Variants in CPD observed in about 807,000 individuals in gnomAD.
CPD encodes the protein carboxypeptidase D.
A neutral mutation model predicts 138.3 loss-of-function variants in CPD; 69 were observed. The observed-to-expected ratio is 0.50, with a 90% CI of 0.41 to 0.61. The LOEUF (loss-of-function observed/expected upper bound fraction) is 0.61, where lower values mean the gene tolerates loss of function less well. Ranked by LOEUF, CPD falls within the 20% of genes least tolerant of loss-of-function variation. The probability of loss-of-function intolerance (pLI) is 0.00; values close to 1 mark genes in which losing one functional copy is unlikely to be tolerated. For synonymous variants in CPD, 651 were observed against 642.1 expected (o/e 1.01, Z -0.21); for missense variants, 1,432 against 1,733.3 (o/e 0.83, Z 3.09).
chr17:30,464,841 A>G lies in CPD; in HGVS notation c.*27A>G, dbSNP rs773353136. 36 of 1,575,558 alleles carry G rather than the reference A, an allele frequency of 2.3e-5. No individual in the cohort carries two copies. Among genetic ancestry groups the G allele is most frequent in the Non-Finnish European group, 3.0e-5 (34 of 1,146,798 alleles). ...AAACACATTTTGCATATCTCCCAGC[A>G]TAAGTACCAAGCAAAATTACAGTTC... On this transcript the variant is annotated 3_prime_UTR_variant, in exon 21 of 21. Coordinates refer to ENST00000225719, the MANE Select transcript of CPD (RefSeq NM_001304.5).
chr17:30,427,138 C>T (rs113253084), intron 6 of CPD, among the ~76,000 whole-genome samples: 1,792 of 150,468 alleles, frequency 0.012, 34 homozygotes, highest in African/African-American at 0.041. Flanking sequence ...GCTGAGATTG[C>T]GCCACTGCAC....
chr17:30,405,634 C>T (rs906956604), intron 2 of CPD, among the ~76,000 whole-genome samples: 59 of 152,092 alleles, frequency 3.9e-4, no homozygotes, highest in African/African-American at 1.2e-3. Context: ...TATGTTGTTC[C>T]GTTGGTCTCT....
intron 2 of CPD, among the ~76,000 whole-genome samples, chr17:30,409,331 G>A (rs1204316114): frequency 1.3e-5 from 2 of 150,756 alleles, no homozygotes; most frequent in Non-Finnish European, 3.0e-5. Context: ...TTTTTGTTGT[G>A]TCTCTGCCAG....
Position 30,379,116 on chromosome 17 carries a change from G to T in CPD, c.136G>T (p.Ala46Ser). Residue 46 changes from alanine to serine, a missense_variant, in exon 1 of 21, where the codon GCG becomes TCG. Ala to Ser is a moderately conservative substitution (Grantham distance 99, BLOSUM62 1). Transcript: ENST00000225719. This position sits in a 1 kb window ranked among gnomAD's most constrained non-coding sequence, Gnocchi z 7.0. ...GGAGGCGACTACCACAACTACGAGC[G>T]CGGGCGCCGAGGCGGCCGAGGGCCA... is the stretch of plus-strand genomic sequence containing the variant. ...KAEATTTTTS[A>S]GAEAAEGQFD... The T allele has an allele frequency of 6.5e-7, 1 of 1,543,964 alleles. No homozygotes were observed. Among genetic ancestry groups the T allele is most frequent in the South Asian group, 1.2e-5 (1 of 84,552 alleles).
chr17:30,451,775 AAGAG>A lies in CPD; in HGVS notation c.3136_3139del (p.Glu1046LysfsTer7). The A allele has an allele frequency of 6.2e-7, 1 of 1,614,084 alleles. No homozygotes were observed. Among genetic ancestry groups the A allele is most frequent in the Non-Finnish European group, 8.5e-7 (1 of 1,179,958 alleles). ...AATCCAGATGGGCGAGAGAGAGCTCAAGAGAAAGACTGTACTTCAAAAATAGGAC... is the reference window on the plus strand; with the variant it reads ...AATCCAGATGGGCGAGAGAGAGCTCAAAAGACTGTACTTCAAAAATAGGAC... On this transcript the variant is annotated frameshift_variant, in exon 14 of 21. Transcript: ENST00000225719. LOFTEE classifies it high-confidence loss of function.
intron 14 of CPD, among the ~76,000 whole-genome samples, chr17:30,453,723 GAGGGGCCTGCCCCTGC>G (rs1427186514): frequency 6.6e-6 from 1 of 152,244 alleles, no homozygotes; most frequent in Admixed American, 6.5e-5. Context: ...GGTTCTCCAT[GAGGGGCCTGCCCCTGC>G]AGCAAACTTT....
At chr17:30,429,023 A>G (rs1187169874) in intron 7 of CPD, among the ~76,000 whole-genome samples, 3 of 152,208 alleles carry the variant, frequency 2.0e-5, no homozygotes, top group Non-Finnish European at 4.4e-5. Flanking sequence ...ATGACAGTAC[A>G]TACTGATGGA....
intron 10 of CPD, 125 bp from the exon 11 acceptor site, chr17:30,443,677 A>T (rs1912939684): frequency 2.2e-6 from 2 of 907,944 alleles, no homozygotes; most frequent in Non-Finnish European, 3.2e-6. Context: ...CTTTACTCTG[A>T]ACTCCTAAAT....
At chr17:30,394,438 G>A (rs1350403486) in intron 2 of CPD, among the ~76,000 whole-genome samples, 2 of 152,098 alleles carry the variant, frequency 1.3e-5, no homozygotes, top group Non-Finnish European at 2.9e-5. Context: ...ACCTTCGAGA[G>A]CTTTTTGTTT....
intron 2 of CPD, 168 bp downstream of exon 2, chr17:30,385,404 C>G: frequency 1.4e-6 from 1 of 705,254 alleles, no homozygotes; most frequent in East Asian, 3.1e-5. Context: ...TACATGAAGA[C>G]CTATCTGTCC....
At chr17:30,458,804 T>C (rs1913370739) in intron 17 of CPD, among the ~76,000 whole-genome samples, 1 of 151,274 alleles carries the variant, frequency 6.6e-6, no homozygotes, top group Non-Finnish European at 1.5e-5. Context: ...ATGGGAAGAT[T>C]GCGAAGAGCC....
chr17:30,455,964 T>A, intron 15 of CPD: 1 of 351,958 alleles, frequency 2.8e-6, no homozygotes, highest in South Asian at 3.5e-5. Flanking sequence ...AATATTGTTA[T>A]TAGGCTACAG....
At chr17:30,390,554 C>G (rs1911327611) in intron 2 of CPD, among the ~76,000 whole-genome samples, 2 of 152,136 alleles carry the variant, frequency 1.3e-5, no homozygotes, top group African/African-American at 4.8e-5. Context: ...ACAGTGAGAG[C>G]AAAACAGAAA....
At chr17:30,444,516 C>CTTTT (rs34419729) in intron 11 of CPD, among the ~76,000 whole-genome samples, 9 of 120,854 alleles carry the variant, frequency 7.4e-5, no homozygotes, top group Admixed American at 1.6e-4. Context: ...ATGCTAGTAA[C>CTTTT]TTTTTTTTTT....
intron 1 of CPD, chr17:30,380,768 G>A: frequency 1.6e-6 from 1 of 612,850 alleles, no homozygotes; most frequent in Non-Finnish European, 2.7e-6. Flanking sequence ...GAGATGGGCA[G>A]GATTTTCAGC....
chr17:30,429,289 T>C (rs1912502697), intron 7 of CPD, among the ~76,000 whole-genome samples: 1 of 152,240 alleles, frequency 6.6e-6, no homozygotes, highest in African/African-American at 2.4e-5. Flanking sequence ...TCACACATCA[T>C]GTTGGCTAAA....
At chr17:30,432,173 A>T (rs929824048) in intron 8 of CPD, among the ~76,000 whole-genome samples, 5 of 152,224 alleles carry the variant, frequency 3.3e-5, no homozygotes, top group African/African-American at 7.2e-5. Context: ...GTAGGCCAAG[A>T]TAAGGGCTTA....
At chr17:30,401,375 T>C (rs1242585885) in intron 2 of CPD, among the ~76,000 whole-genome samples, 1 of 151,182 alleles carries the variant, frequency 6.6e-6, no homozygotes, top group Non-Finnish European at 1.5e-5. Context: ...CCTCTTCCTC[T>C]TCTTCCTCCT....
rs1913173984 is a variant in CPD, at chr17:30,451,812, T to C, written c.3171T>C (p.Asn1057=). 6.2e-7 allele frequency: 1 copy of C among 1,614,060 alleles called. No homozygotes were observed. Among genetic ancestry groups the C allele is most frequent in the Non-Finnish European group, 8.5e-7 (1 of 1,179,962 alleles). The change falls in exon 14 of 21, where the codon AAT becomes AAC. Residue 1057 remains asparagine, a synonymous_variant. Coordinates refer to ENST00000225719, the MANE Select transcript of CPD (RefSeq NM_001304.5). ...GTACTTCAAAAATAGGACAAACAAA[T>C]GCTCGTGGCAAAGATTTGGATACAG... ...KDCTSKIGQT[N]ARGKDLDTDF...
Sources: allele counts gnomAD v4.1 joint callset (sites outside exome capture counted in the v4.1 genomes callset), GRCh38; gene constraint gnomAD v4.1.1; non-coding constraint Gnocchi (gnomAD v3.1); transcripts MANE v1.5; gene names NCBI Gene and HGNC (gene_info 2026-07-23, HGNC 2026-07-21).